AFF3: variants seen among roughly 807,000 people sequenced by gnomAD.
AFF3 encodes the protein ALF transcription elongation factor 3.
A neutral mutation model predicts 129.7 loss-of-function variants in AFF3; 32 were observed. The ratio of observed to expected loss-of-function variants is 0.25; its 90% CI spans 0.19 to 0.33. The LOEUF (loss-of-function observed/expected upper bound fraction) is 0.33. Among genes scored for constraint, AFF3 ranks in the 10% least tolerant of loss-of-function variants. The probability of loss-of-function intolerance (pLI) is 1.00; values close to 1 mark genes in which losing one functional copy is unlikely to be tolerated. For missense variants in AFF3, 1,373 were observed against 1,592.0 expected (o/e 0.86, Z 2.34); for synonymous variants, 644 against 635.4 (o/e 1.01, Z -0.20).
chr2:100,093,076 C>T, intron 4 of AFF3, among the ~76,000 whole-genome samples: 1 of 152,236 alleles, frequency 6.6e-6, no homozygotes, highest in East Asian at 1.9e-4. Context: ...GATTGCGTTA[C>T]ATTATTATAT....
At chr2:99,874,499 T>A (rs894000061) in intron 7 of AFF3, among the ~76,000 whole-genome samples, 1 of 152,192 alleles carries the variant, frequency 6.6e-6, no homozygotes, top group Non-Finnish European at 1.5e-5. Flanking sequence ...GACAGGGAAC[T>A]GATTTGGGGG....
At chr2:99,745,935 A>G (rs1681118186) in intron 9 of AFF3, among the ~76,000 whole-genome samples, 1 of 152,190 alleles carries the variant, frequency 6.6e-6, no homozygotes, top group Non-Finnish European at 1.5e-5. Context: ...ATGCAAAGGC[A>G]CATAGAGTGA....
intron 2 of AFF3, among the ~76,000 whole-genome samples, chr2:100,112,019 C>T (rs979040380): frequency 5.6e-4 from 85 of 152,324 alleles, no homozygotes; most frequent in African/African-American, 2.0e-3. Flanking sequence ...AAATTGATTT[C>T]CCTGTACCTT....
At chr2:99,629,485 A>G (rs1290979064) in intron 13 of AFF3, among the ~76,000 whole-genome samples, 1 of 152,184 alleles carries the variant, frequency 6.6e-6, no homozygotes, top group Admixed American at 6.5e-5. Context: ...GAGAACTACA[A>G]AACACTGCTC....
At chr2:99,668,074 C>T (rs1270207251) in intron 12 of AFF3, among the ~76,000 whole-genome samples, 1 of 151,918 alleles carries the variant, frequency 6.6e-6, no homozygotes, top group African/African-American at 2.4e-5. Flanking sequence ...AGGCGAATGG[C>T]GTGAACCCAG....
At chr2:100,009,678 C>T (rs1682332033) in intron 4 of AFF3, among the ~76,000 whole-genome samples, 1 of 152,148 alleles carries the variant, frequency 6.6e-6, no homozygotes, top group South Asian at 2.1e-4. Context: ...AGTGGCCAGG[C>T]ACCAGACAAC....
intron 4 of AFF3, among the ~76,000 whole-genome samples, chr2:100,057,743 T>G (rs1686919101): frequency 6.6e-6 from 1 of 152,188 alleles, no homozygotes; most frequent in Non-Finnish European, 1.5e-5. Context: ...ATCTTTGTCT[T>G]CACTAGAAAT....
chr2:99,647,122 C>T (rs1426914099), intron 13 of AFF3, among the ~76,000 whole-genome samples: 2 of 152,172 alleles, frequency 1.3e-5, no homozygotes, highest in East Asian at 3.8e-4. Context: ...GGCAGAAATA[C>T]CATTTGATCC....
intron 9 of AFF3, among the ~76,000 whole-genome samples, chr2:99,746,273 T>C (rs1409823433): frequency 6.6e-6 from 1 of 151,888 alleles, no homozygotes; most frequent in Non-Finnish European, 1.5e-5. Context: ...AATGAACTTC[T>C]ATTACGTGGC....
chr2:99,822,053 G>A (rs9677570), intron 8 of AFF3, among the ~76,000 whole-genome samples: 8,296 of 152,198 alleles, frequency 0.055, 773 homozygotes, highest in African/African-American at 0.19. Flanking sequence ...ATTACTCTGT[G>A]TGATTTTAGG....
At chr2:99,642,914 T>C (rs773503878) in intron 13 of AFF3, among the ~76,000 whole-genome samples, 1 of 152,192 alleles carries the variant, frequency 6.6e-6, no homozygotes, top group Non-Finnish European at 1.5e-5. Context: ...TGATAGTGAT[T>C]CTAAACTCTA....
intron 8 of AFF3, among the ~76,000 whole-genome samples, chr2:99,781,413 T>C (rs1684396097): frequency 6.6e-6 from 1 of 152,262 alleles, no homozygotes; most frequent in Admixed American, 6.5e-5. Flanking sequence ...CATGTAAACA[T>C]CATGAGAATA....
intron 2 of AFF3, among the ~76,000 whole-genome samples, chr2:100,115,910 T>A (rs1671851523): frequency 6.6e-6 from 1 of 152,230 alleles, no homozygotes; most frequent in African/African-American, 2.4e-5. Flanking sequence ...CTGTCAATTT[T>A]ATTGTTGTTC....
At chr2:99,733,206 T>C (rs1221321704) in intron 10 of AFF3, among the ~76,000 whole-genome samples, 1 of 151,854 alleles carries the variant, frequency 6.6e-6, no homozygotes, top group Non-Finnish European at 1.5e-5. Flanking sequence ...AGTGAAACCC[T>C]GTTTCTACTA....
intron 7 of AFF3, among the ~76,000 whole-genome samples, chr2:99,950,792 C>A (rs1676084959): frequency 6.6e-6 from 1 of 152,176 alleles, no homozygotes; most frequent in African/African-American, 2.4e-5. Flanking sequence ...ATGTTTCTTG[C>A]CTTACTGTGA....
intron 13 of AFF3, among the ~76,000 whole-genome samples, chr2:99,635,478 T>C (rs1264576705): frequency 6.6e-6 from 1 of 152,122 alleles, no homozygotes; most frequent in Non-Finnish European, 1.5e-5. Flanking sequence ...TGTGTGTGTG[T>C]TTCTGCAGAG....
chr2:99,912,053 T>C (rs2106201096), intron 7 of AFF3, among the ~76,000 whole-genome samples: 1 of 152,320 alleles, frequency 6.6e-6, no homozygotes, highest in Non-Finnish European at 1.5e-5. Context: ...CCTTGGCATG[T>C]GGAAGTAATT....
intron 7 of AFF3, among the ~76,000 whole-genome samples, chr2:99,976,796 C>T (rs1678933629): frequency 7.1e-6 from 1 of 141,408 alleles, no homozygotes; most frequent in Non-Finnish European, 1.5e-5. Flanking sequence ...CTTTTTGTTC[C>T]TGTTTTTTTT....
chr2:99,815,832 G>C lies in AFF3; in HGVS notation c.921+21645C>G, dbSNP rs530330059. Among the ~76,000 whole-genome samples, 400 of 147,256 alleles carry C rather than the reference G, an allele frequency of 2.7e-3. 2 individuals carry two copies. The highest frequency in any genetic ancestry group is 8.2e-3 in the African/African-American group (329 of 40,280). On this transcript the variant is annotated intron_variant, in intron 8 of 24. Transcript: ENST00000672756. ...TCCTTCTCTCTCTCTCTCTCTCTCT[G>C]TGTGTGTGTGTGTACATGGATATTT... is the stretch of plus-strand genomic sequence containing the variant.
Sources: allele counts gnomAD v4.1 joint callset (sites outside exome capture counted in the v4.1 genomes callset), GRCh38; gene constraint gnomAD v4.1.1; transcripts MANE v1.5; gene names NCBI Gene and HGNC (gene_info 2026-07-23, HGNC 2026-07-21).